ZNF385D: variants seen among roughly 807,000 people sequenced by gnomAD.
ZNF385D encodes the protein zinc finger protein 385D, also known as zinc finger protein 659.
A neutral mutation model predicts 35.8 loss-of-function variants in ZNF385D; 15 were observed. The observed-to-expected ratio is 0.42, with a 90% CI of 0.28 to 0.64. ZNF385D has a LOEUF of 0.64. ZNF385D is among the 30% of genes least tolerant of loss of function. The pLI is 0.23. For missense variants in ZNF385D, 474 were observed against 494.6 expected, an observed-to-expected ratio of 0.96 and a Z score of 0.39; for synonymous variants, 212 against 186.8, an observed-to-expected ratio of 1.13 and a Z score of -1.10.
chr3:21,451,771 G>A (rs1045051831), intron 4 of ZNF385D, among the ~76,000 whole-genome samples: 5 of 151,956 alleles, frequency 3.3e-5, no homozygotes, highest in African/African-American at 4.8e-5. Context: ...ATAGTACTAC[G>A]AGAAAAACAT....
intron 2 of ZNF385D, among the ~76,000 whole-genome samples, chr3:21,596,711 A>C (rs2064138695): frequency 6.7e-6 from 1 of 149,910 alleles, no homozygotes; most frequent in South Asian, 2.1e-4. Flanking sequence ...ACTCCTGGCC[A>C]CAAGTGATCC....
At chr3:21,964,268 A>G (rs1385999119) in intron 3 of ZNF385D, among the ~76,000 whole-genome samples, 1 of 151,692 alleles carries the variant, frequency 6.6e-6, no homozygotes, top group Non-Finnish European at 1.5e-5. Context: ...AAAAACTGAA[A>G]TTGGCATCAT....
At chr3:21,906,840 A>C (rs933426543) in intron 3 of ZNF385D, among the ~76,000 whole-genome samples, 9 of 152,192 alleles carry the variant, frequency 5.9e-5, no homozygotes, top group African/African-American at 1.4e-4. Context: ...ACACACTTCA[A>C]GGTCTTGCAT....
intron 3 of ZNF385D, among the ~76,000 whole-genome samples, chr3:21,534,308 C>T (rs2061988578): frequency 6.6e-6 from 1 of 152,060 alleles, no homozygotes; most frequent in South Asian, 2.1e-4. Context: ...ACATTCATCA[C>T]TATGATTTAC....
rs143817488 is a variant in ZNF385D at position 22,287,952 on chromosome 3, C to T, written c.106+84498G>A. On this transcript the variant is annotated intron_variant, in intron 2 of 5. Transcript: ENST00000494108. ...TGTGAGGAAGTTCAGTGGGAATAAA[C>T]TCCCTTAGCTTTTGTTTGTCTGAGA... Among the ~76,000 whole-genome samples, 67 of 152,102 alleles carry T rather than the reference C, an allele frequency of 4.4e-4. No individual in the cohort carries two copies. In the East Asian group the frequency reaches 0.011, roughly 25 times the overall value.
At chr3:21,944,168 C>G (rs1351243608) in intron 3 of ZNF385D, among the ~76,000 whole-genome samples, 1 of 152,210 alleles carries the variant, frequency 6.6e-6, no homozygotes, top group Non-Finnish European at 1.5e-5. Context: ...TACACATTAA[C>G]TTACCCAGCA....
intron 2 of ZNF385D, among the ~76,000 whole-genome samples, chr3:22,297,319 T>C (rs1274108024): frequency 1.3e-5 from 2 of 152,018 alleles, no homozygotes; most frequent in African/African-American, 4.8e-5. Flanking sequence ...CCTCCGCCTT[T>C]CCCTTCATCT....
chr3:22,317,794 C>T (rs1375078509), intron 2 of ZNF385D, among the ~76,000 whole-genome samples: 1 of 152,178 alleles, frequency 6.6e-6, no homozygotes, highest in Non-Finnish European at 1.5e-5. Context: ...GGCATGGTGA[C>T]TCACTCATGT....
intron 3 of ZNF385D, among the ~76,000 whole-genome samples, chr3:21,873,739 C>T (rs1340599500): frequency 6.6e-6 from 1 of 152,042 alleles, no homozygotes; most frequent in South Asian, 2.1e-4. Flanking sequence ...CCGTATTTGT[C>T]CTTTTGTGAC....
At chr3:22,328,593 C>A (rs1016210741) in intron 2 of ZNF385D, among the ~76,000 whole-genome samples, 7 of 145,658 alleles carry the variant, frequency 4.8e-5, no homozygotes, top group Middle Eastern at 7.9e-3. Context: ...TGAAACCTCA[C>A]CTCTACTAAA....
chr3:22,014,770 T>G (rs1457989546), intron 3 of ZNF385D, among the ~76,000 whole-genome samples: 1 of 152,132 alleles, frequency 6.6e-6, no homozygotes, highest in Non-Finnish European at 1.5e-5. Flanking sequence ...TAATGAAATT[T>G]CTATGTAAAT....
At chr3:21,819,801 CATAAATATAATATACATAA>C (rs2073323334) in intron 3 of ZNF385D, among the ~76,000 whole-genome samples, 1 of 144,180 alleles carries the variant, frequency 6.9e-6, no homozygotes, top group African/African-American at 2.5e-5. Flanking sequence ...TACATATATA[CATAAATATAATATACATAA>C]ATATGATACA....
At chr3:21,842,917 C>T (rs1008319795) in intron 3 of ZNF385D, among the ~76,000 whole-genome samples, 7 of 152,036 alleles carry the variant, frequency 4.6e-5, no homozygotes, top group African/African-American at 7.2e-5. Context: ...ACATGGTTGG[C>T]GCACTTCTGA....
At chr3:21,653,644 C>T (rs2065988202) in intron 2 of ZNF385D, among the ~76,000 whole-genome samples, 1 of 151,888 alleles carries the variant, frequency 6.6e-6, no homozygotes, top group South Asian at 2.1e-4. Context: ...TCATTCCAAA[C>T]AAGGCTCTTA....
intron 1 of ZNF385D, among the ~76,000 whole-genome samples, chr3:21,683,321 C>A (rs760956361): frequency 6.7e-6 from 1 of 149,506 alleles, no homozygotes; most frequent in Admixed American, 6.7e-5. Context: ...TTAGGTTATG[C>A]GACGTGATAC....
chr3:21,602,451 A>C (rs1433451198), intron 2 of ZNF385D, among the ~76,000 whole-genome samples: 2 of 151,518 alleles, frequency 1.3e-5, no homozygotes, highest in Non-Finnish European at 2.9e-5. Context: ...TGGAGACCCA[A>C]GTACTAGCGC....
intron 3 of ZNF385D, among the ~76,000 whole-genome samples, chr3:21,812,709 G>C (rs146176369): frequency 0.032 from 4,896 of 152,318 alleles, 135 homozygotes; most frequent in Non-Finnish European, 0.042. Context: ...AGCTCGAACT[G>C]CGTGGAGCCC....
intron 2 of ZNF385D, among the ~76,000 whole-genome samples, chr3:22,322,659 CTGAA>C (rs1287363942): frequency 6.6e-6 from 1 of 152,200 alleles, no homozygotes; most frequent in Non-Finnish European, 1.5e-5. Flanking sequence ...TTATCTCTCA[CTGAA>C]TATCATTATT....
intron 3 of ZNF385D, among the ~76,000 whole-genome samples, chr3:22,145,908 T>C (rs1356569320): frequency 1.3e-5 from 2 of 151,936 alleles, no homozygotes; most frequent in African/African-American, 2.4e-5. Context: ...AAGAGAGAAA[T>C]GAATCATTTT....
Sources: allele counts gnomAD v4.1 joint callset (sites outside exome capture counted in the v4.1 genomes callset), GRCh38; gene constraint gnomAD v4.1.1; transcripts MANE v1.5; gene names NCBI Gene and HGNC (gene_info 2026-07-23, HGNC 2026-07-21).